ADRA1D: variants seen among roughly 807,000 people sequenced by gnomAD.
ADRA1D encodes adrenoceptor alpha 1D.
In ADRA1D, 22 loss-of-function variants were observed where a neutral mutation model predicts 18.6. That is an observed-to-expected ratio of 1.19 (90% CI 0.85 to 1.69). The LOEUF is 1.69. Among genes scored for constraint, ADRA1D ranks in the 40% most tolerant of loss-of-function variants. ADRA1D has a pLI of 0.00. For missense variants in ADRA1D, 840 were observed against 840.7 expected (o/e 1.00, Z 0.01); for synonymous variants, 376 against 388.2 (o/e 0.97, Z 0.37).
At position 4,248,731 on chromosome 20, in the gene ADRA1D, C is replaced by T. The variant is rs1981420241; in HGVS notation, c.227G>A (p.Gly76Asp). 6 of 1,541,856 alleles carry T rather than the reference C, an allele frequency of 3.9e-6. No homozygotes were observed. In the South Asian group the frequency reaches 7.2e-5, roughly 18 times the overall value. ...RSSAGEPGSA[G>D]AGGDVNGTAA... ...CGTGCCATTCACGTCGCCGCCCGCG[C>T]CCGCGCTCCCCGGCTCCCCCGCGGA... Residue 76 changes from glycine to aspartate, a missense_variant, in exon 1 of 2, where the codon GGC (glycine) becomes GAC (aspartate). Physicochemically the swap from Gly to Asp is moderately conservative, Grantham distance 94. Coordinates refer to ENST00000379453, the MANE Select transcript of ADRA1D (RefSeq NM_000678.4).
intron 1 of ADRA1D, among the ~76,000 whole-genome samples, chr20:4,224,768 A>T (rs964345776): frequency 1.1e-4 from 3 of 28,194 alleles, no homozygotes; most frequent in Non-Finnish European, 2.3e-4. Flanking sequence ...TCTTGCCTTC[A>T]AAAAAAAAAG....
chr20:4,225,424 C>CT (rs1488671448), intron 1 of ADRA1D, among the ~76,000 whole-genome samples: 3 of 91,426 alleles, frequency 3.3e-5, no homozygotes, highest in Non-Finnish European at 4.4e-5. Flanking sequence ...TTTTTTTTTT[C>CT]TTTCTTTTTT....
At chr20:4,227,975 C>T (rs1980863555) in intron 1 of ADRA1D, among the ~76,000 whole-genome samples, 1 of 152,160 alleles carries the variant, frequency 6.6e-6, no homozygotes, top group African/African-American at 2.4e-5. Context: ...GAAGCTTGCT[C>T]TCTGTACACA....
chr20:4,241,684 C>T (rs370907573), intron 1 of ADRA1D, among the ~76,000 whole-genome samples: 3 of 152,274 alleles, frequency 2.0e-5, no homozygotes, highest in East Asian at 3.9e-4. Context: ...CACAAAGCAT[C>T]CCTTGCCTCT....
intron 1 of ADRA1D, among the ~76,000 whole-genome samples, chr20:4,228,784 C>T (rs899400270): frequency 3.9e-5 from 6 of 152,208 alleles, no homozygotes; most frequent in African/African-American, 1.4e-4. Context: ...AGGTTAGTGT[C>T]CCTACTTGTA....
At chr20:4,247,219 A>AT (rs1307245238) in intron 1 of ADRA1D, among the ~76,000 whole-genome samples, 2 of 152,162 alleles carry the variant, frequency 1.3e-5, no homozygotes, top group African/African-American at 4.8e-5. Flanking sequence ...TAACAATATG[A>AT]ACTTTCCATT....
Position 4,248,998 on chromosome 20 carries a change from C to G in ADRA1D, c.-41G>C. The G allele has an allele frequency of 7.9e-7, 1 of 1,265,118 alleles. No homozygotes were observed. The highest frequency in any genetic ancestry group is 1.0e-6 in the Non-Finnish European group (1 of 992,276). The allele number at this position is 1,265,118 out of a possible 1,614,324, so 78.4% of individuals were successfully genotyped here. On this transcript the variant is annotated 5_prime_UTR_variant, in exon 1 of 2. Coordinates refer to ENST00000379453, the MANE Select transcript of ADRA1D (RefSeq NM_000678.4). ...TCGGTGGCCGGGCCGGGGCACAGAA[C>G]GAGCGGCCGGCAGGGAGGGGAGCAC...
Position 4,225,295 on chromosome 20 carries a change from G to A in ADRA1D, c.1112-3165C>T, listed in dbSNP as rs375279320. Reference sequence around the variant, plus strand: ...ATTACAAGCGTGAGCTACCGTGCCTGGCCCATCTAAGTCTTACTTTCCTTT... The same window carrying A: ...ATTACAAGCGTGAGCTACCGTGCCTAGCCCATCTAAGTCTTACTTTCCTTT... On this transcript the variant is annotated intron_variant, in intron 1 of 1. Transcript: ENST00000379453. Among the ~76,000 whole-genome samples, 80 of 151,738 alleles carry A rather than the reference G, an allele frequency of 5.3e-4. 1 individual carries two copies. The highest frequency in any genetic ancestry group is 1.8e-3 in the African/African-American group (75 of 41,384).
chr20:4,245,508 A>C (rs1981315502), intron 1 of ADRA1D, among the ~76,000 whole-genome samples: 1 of 152,084 alleles, frequency 6.6e-6, no homozygotes, highest in African/African-American at 2.4e-5. Flanking sequence ...GAAAAGAGAG[A>C]GGAAGGGGTC....
At chr20:4,228,536 G>T (rs915339159) in intron 1 of ADRA1D, among the ~76,000 whole-genome samples, 3 of 152,230 alleles carry the variant, frequency 2.0e-5, no homozygotes, top group Non-Finnish European at 2.9e-5. Context: ...ACGGTGTGAG[G>T]AGTTTAGCCT....
intron 1 of ADRA1D, among the ~76,000 whole-genome samples, chr20:4,245,180 A>G (rs1396990525): frequency 6.6e-6 from 1 of 152,232 alleles, no homozygotes; most frequent in African/African-American, 2.4e-5. Flanking sequence ...AGAAAAACCT[A>G]ACATTCAGCA....
chr20:4,223,783 C>T (rs1366873399), intron 1 of ADRA1D, among the ~76,000 whole-genome samples: 1 of 152,154 alleles, frequency 6.6e-6, no homozygotes, highest in Non-Finnish European at 1.5e-5. Context: ...TGATTTTACC[C>T]AACTGTAGGT....
rs1981431480 is a variant in ADRA1D, at chr20:4,248,879, C to T, written c.79G>A (p.Gly27Ser). The change falls in exon 1 of 2, where the codon GGC becomes AGC. Residue 27 changes from glycine to serine, a missense_variant. Transcript: ENST00000379453. ...GCGCCGCCCGCGCTGCCCCCGCCGC[C>T]GCCCGCGCTGGAGCCCCCTGCGCTG... ...DSSAGGSSAG[G>S]GGGSAGGAAP... 1 of 1,129,076 alleles carries T rather than the reference C, an allele frequency of 8.9e-7. No individual in the cohort carries two copies. The highest frequency in any genetic ancestry group is 1.1e-6 in the Non-Finnish European group (1 of 922,358). The allele number at this position is 1,129,076 out of a possible 1,614,324, so 69.9% of individuals were successfully genotyped here.
In ADRA1D at chr20:4,247,895, C is replaced by G. The variant is rs753308490; in HGVS notation, c.1063G>C (p.Gly355Arg). ...KAAKTLAIVV[G>R]VFVLCWFPFF... The stretch of plus-strand genomic sequence containing the variant: ...GGGAACCAGCAGAGCACGAAGACAC[C>G]CACGACGATGGCCAGAGTCTTGGCC... Residue 355 changes from glycine (G) to arginine (R), a missense_variant, in exon 1 of 2, where the codon GGT (glycine) becomes CGT (arginine). Coordinates refer to ENST00000379453, the MANE Select transcript of ADRA1D (RefSeq NM_000678.4). The G allele has an allele frequency of 2.2e-5, 35 of 1,592,874 alleles. No homozygotes were observed. Among genetic ancestry groups the G allele is most frequent in the Non-Finnish European group, 2.9e-5 (34 of 1,172,272 alleles).
intron 1 of ADRA1D, among the ~76,000 whole-genome samples, chr20:4,227,704 C>CTTCCCTTCCT (rs1555820747): frequency 2.2e-5 from 2 of 92,542 alleles, no homozygotes; most frequent in African/African-American, 9.1e-5. Context: ...CCCTCCCTCC[C>CTTCCCTTCCT]TCCTTCCTTC....
At chr20:4,241,863 C>G (rs1170897436) in intron 1 of ADRA1D, among the ~76,000 whole-genome samples, 1 of 152,240 alleles carries the variant, frequency 6.6e-6, no homozygotes, top group Non-Finnish European at 1.5e-5. Context: ...AGCCTCCCCC[C>G]TGCCTCCTCC....
Position 4,249,024 on chromosome 20 carries a change from A to C in ADRA1D, c.-67T>G. ...GAGCGGCCGGCAGGGAGGGGAGCAC[A>C]GGGCATAGCCGCGGGGCTCCAGATG... is the stretch of plus-strand genomic sequence containing the variant. On this transcript the variant is annotated 5_prime_UTR_variant, in exon 1 of 2. Coordinates refer to ENST00000379453, the MANE Select transcript of ADRA1D (RefSeq NM_000678.4). The C allele has an allele frequency of 8.7e-7, 1 of 1,149,508 alleles. No individual in the cohort carries two copies. 71.2% of individuals were successfully genotyped at this position (1,149,508 alleles called of 1,614,324 possible). A position where few individuals can be genotyped will look rare whatever the true frequency, so the allele number is the denominator to read the frequency against.
chr20:4,233,550 A>AG lies in ADRA1D; in HGVS notation c.1112-11421dup, dbSNP rs1981019360. On this transcript the variant is annotated intron_variant, in intron 1 of 1. Transcript: ENST00000379453. ...ATCACCTAGCACCATGAGATCTGTT[A>AG]GAAAAAAAAATCCTTCAAGAAGAAC... is the stretch of plus-strand genomic sequence containing the variant. 3.9e-5 allele frequency among the ~76,000 whole-genome samples: 6 copies of AG among 152,184 alleles called. No individual in the cohort carries two copies. In the South Asian group the frequency reaches 1.2e-3, roughly 32 times the overall value.
rs1981392275 is a variant in ADRA1D at position 4,248,251 on chromosome 20, T to A, written c.707A>T (p.Lys236Met). 2 of 1,607,428 alleles carry A rather than the reference T, an allele frequency of 1.2e-6. No individual in the cohort carries two copies. The highest frequency in any genetic ancestry group is 1.7e-6 in the Non-Finnish European group (2 of 1,177,442). ...GCGCTCGTCAGGGGGCACGGGCTCC[T>A]TCCAGCCCAGCAGGGGCCCTACGGA... is the stretch of plus-strand genomic sequence containing the variant. ...VVSVGPLLGW[K>M]EPVPPDERFC... The change falls in exon 1 of 2, where the codon AAG (lysine) becomes ATG (methionine). Residue 236 changes from lysine (K) to methionine (M), a missense_variant. Lys to Met is a moderately conservative substitution (Grantham distance 95). Transcript: ENST00000379453.
Sources: allele counts gnomAD v4.1 joint callset (sites outside exome capture counted in the v4.1 genomes callset), GRCh38; gene constraint gnomAD v4.1.1; transcripts MANE v1.5; gene names NCBI Gene and HGNC (gene_info 2026-07-23, HGNC 2026-07-21).